The following IL18R1 variants were observed in gnomAD, a reference collection of about 807,000 sequenced individuals.
The protein encoded by IL18R1 is interleukin-18 receptor 1.
Under a neutral mutation model 48.5 loss-of-function variants are expected in IL18R1, and 40 were observed. The ratio of observed to expected loss-of-function variants is 0.82; its 90% confidence interval spans 0.64 to 1.07. The LOEUF (loss-of-function observed/expected upper bound fraction) is 1.07, where lower values mean the gene tolerates loss of function less well. Ranked by LOEUF, IL18R1 falls within the 50% of genes least tolerant of loss-of-function variation. IL18R1 has a pLI of 0.00. For synonymous variants in IL18R1, 232 were observed against 225.9 expected (o/e 1.03, Z -0.24); for missense variants, 596 against 633.7 (o/e 0.94, Z 0.64).
At chr2:102,389,759 C>G (rs1452544486) in intron 8 of IL18R1, among the ~76,000 whole-genome samples, 1 of 152,222 alleles carries the variant, frequency 6.6e-6, no homozygotes, top group Non-Finnish European at 1.5e-5. Flanking sequence ...CCTAGTATCT[C>G]TTCACCCCAG....
chr2:102,390,013 A>G (rs752457819), intron 8 of IL18R1, 43 bp from the exon 9 acceptor site: 1 of 1,602,116 alleles, frequency 6.2e-7, no homozygotes, highest in Non-Finnish European at 8.5e-7. Context: ...CACTGGTAAG[A>G]TTTCTTGATT....
Position 102,384,866 on chromosome 2 carries a change from A to T in IL18R1, c.689-12A>T, listed in dbSNP as rs925430867. 6.2e-7 allele frequency: 1 copy of T among 1,606,110 alleles called. No individual in the cohort carries two copies. On this transcript the variant is annotated splice_polypyrimidine_tract_variant and intron_variant, in intron 6 of 10. Coordinates refer to ENST00000233957, the MANE Select transcript of IL18R1 (RefSeq NM_003855.5). ...TTCAAAAATCAGAACTTTAGTTGCC[A>T]ACTTTTACCAGGAAAAAACGTAAGG...
chr2:102,381,552 A>G (rs1292420176), intron 5 of IL18R1, 68 bp from the exon 6 acceptor site: 38 of 1,109,020 alleles, frequency 3.4e-5, no homozygotes, highest in Non-Finnish European at 5.0e-5. Flanking sequence ...GCATATTATC[A>G]TAGATGCTTG....
chr2:102,381,622 C>A lies in IL18R1; in HGVS notation c.628C>A (p.Arg210Ser). 6.2e-7 allele frequency: 1 copy of A among 1,611,484 alleles called. No homozygotes were observed. Among genetic ancestry groups the A allele is most frequent in the Non-Finnish European group, 8.5e-7 (1 of 1,177,662 alleles). Residue 210 changes from arginine to serine, a missense_variant and splice_region_variant, in exon 6 of 11, where the codon CGC becomes AGC. Physicochemically the swap from Arg to Ser is moderately radical, Grantham distance 110. Coordinates refer to ENST00000233957, the MANE Select transcript of IL18R1 (RefSeq NM_003855.5). ...GTCTTTTCTTTTGTCACTTCTAGAT[C>A]GCAGTAATATAGTTCCGGTTCTTCT... is the stretch of plus-strand genomic sequence containing the variant. ...KTFNITIVEDRSNIVPVLLGP... is the reference protein window; with the variant it reads ...KTFNITIVEDSSNIVPVLLGP...
chr2:102,369,261 C>G lies in IL18R1; in HGVS notation c.302+1193C>G, dbSNP rs11465594. 5.1e-3 allele frequency among the ~76,000 whole-genome samples: 779 copies of G among 152,318 alleles called. 2 individuals carry two copies. Among genetic ancestry groups the G allele is most frequent in the Non-Finnish European group, 8.7e-3 (592 of 68,038 alleles). ...AAAGGAATAAAGTATTCTGGACAGG[C>G]CTGAGAGAGCACGTTGAGAGGAACA... On this transcript the variant is annotated intron_variant, in intron 3 of 10. Coordinates refer to ENST00000233957, the MANE Select transcript of IL18R1 (RefSeq NM_003855.5).
At position 102,384,974 on chromosome 2, in the gene IL18R1, A is replaced by G; in HGVS notation, c.785A>G (p.His262Arg). 6.3e-7 allele frequency: 1 copy of G among 1,592,618 alleles called. No individual in the cohort carries two copies. Among genetic ancestry groups the G allele is most frequent in the Middle Eastern group, 1.7e-4 (1 of 6,024 alleles). ...GAAAATGGATCGGATCCTAATATAC[A>G]TGAAGAGAAAGAAATGAGAATTATG... ...GEENGSDPNI[H>R]EEKEMRIMTP... The change falls in exon 7 of 11, where the codon CAT becomes CGT. Residue 262 changes from histidine (H) to arginine (R), a missense_variant. His to Arg is a conservative substitution (Grantham distance 29). Around this residue, in one of 3 missense-constraint regions of IL18R1, gnomAD observed 360 missense variants for 339.4 expected, o/e 1.06. Transcript: ENST00000233957.
At chr2:102,375,750 A>G (rs751257217) in intron 4 of IL18R1, among the ~76,000 whole-genome samples, 157 bp from the exon 5 acceptor site, 1 of 152,220 alleles carries the variant, frequency 6.6e-6, no homozygotes, top group Non-Finnish European at 1.5e-5. Context: ...TTGTTTCAGT[A>G]AAAGTAGTAC....
At chr2:102,391,250 T>TG (rs967280178) in intron 9 of IL18R1, among the ~76,000 whole-genome samples, 20 of 152,278 alleles carry the variant, frequency 1.3e-4, no homozygotes, top group East Asian at 1.2e-3. Context: ...TCCAGCCTGG[T>TG]CCTGGATCTA....
chr2:102,374,122 T>A (rs1447768637), intron 4 of IL18R1: 1 of 219,986 alleles, frequency 4.5e-6, no homozygotes. Flanking sequence ...CCCACCCTGG[T>A]CCATGGAAAA....
At chr2:102,387,678 C>T (rs1158538470) in intron 8 of IL18R1, among the ~76,000 whole-genome samples, 1 of 152,278 alleles carries the variant, frequency 6.6e-6, no homozygotes, top group South Asian at 2.1e-4. Flanking sequence ...CATTCCCAGG[C>T]TCCACCATCA....
chr2:102,390,259 T>C (rs1348113794), intron 9 of IL18R1, 42 bp downstream of exon 9: 1 of 1,553,982 alleles, frequency 6.4e-7, no homozygotes, highest in Non-Finnish European at 8.9e-7. Context: ...TATGTTCTCA[T>C]TAAGAAATCA....
chr2:102,362,789 T>TA (rs1055234803), intron 2 of IL18R1, 71 bp downstream of exon 2: 3 of 919,344 alleles, frequency 3.3e-6, no homozygotes, highest in African/African-American at 3.4e-5. Context: ...TTTTTTTTTT[T>TA]ATGTGGTGGC....
At chr2:102,376,464 C>T (rs1679591790) in intron 5 of IL18R1, among the ~76,000 whole-genome samples, 1 of 152,206 alleles carries the variant, frequency 6.6e-6, no homozygotes, top group South Asian at 2.1e-4. Context: ...CTGTACTATT[C>T]TCAAGGGATT....
intron 2 of IL18R1, 44 bp from the exon 3 acceptor site, chr2:102,367,781 T>C (rs1212171088): frequency 6.4e-7 from 1 of 1,555,150 alleles, no homozygotes; most frequent in Non-Finnish European, 8.7e-7. Flanking sequence ...CCTTGTCATT[T>C]TGGTTTTTGT....
Position 102,390,194 on chromosome 2 carries a change from C to A in IL18R1, c.1088C>A (p.Thr363Lys). The change falls in exon 9 of 11, where the codon ACG becomes AAG. Residue 363 changes from threonine to lysine, a missense_variant. This residue lies in a region of IL18R1 where 179 missense variants were observed against 206.1 expected (regional missense o/e 0.87). Transcript: ENST00000233957. ...TTGGTTCTATTTTATAGACATTTAA[C>A]GAGAAGAGATGAAACATTAACAGGT... ...VDLVLFYRHL[T>K]RRDETLTDGK... 6.2e-7 allele frequency: 1 copy of A among 1,613,700 alleles called. No homozygotes were observed. The highest frequency in any genetic ancestry group is 1.1e-5 in the South Asian group (1 of 91,058).
chr2:102,368,137 G>T, intron 3 of IL18R1, 69 bp downstream of exon 3: 1 of 1,548,920 alleles, frequency 6.5e-7, no homozygotes, highest in South Asian at 1.2e-5. Flanking sequence ...ACTCAAATAT[G>T]CAGTAATCTG....
chr2:102,397,036 C>G lies in IL18R1; in HGVS notation c.*150C>G, dbSNP rs2105140556. The G allele has an allele frequency of 1.7e-6, 1 of 598,044 alleles. No homozygotes were observed. Among genetic ancestry groups the G allele is most frequent in the East Asian group, 2.8e-5 (1 of 35,376 alleles). The allele number at this position is 598,044 out of a possible 1,614,324, so 37.0% of individuals were successfully genotyped here. On this transcript the variant is annotated 3_prime_UTR_variant, in exon 11 of 11. Transcript: ENST00000233957. ...AAGATGAAACTTGTCATTAGGTTGG[C>G]GGGAATGAGACTAAAGATTGCGCTG...
chr2:102,385,313 A>T (rs913612315), intron 7 of IL18R1, among the ~76,000 whole-genome samples: 1 of 152,202 alleles, frequency 6.6e-6, no homozygotes, highest in Non-Finnish European at 1.5e-5. Context: ...AGCTTCTTAG[A>T]AAAGGGCAGT....
At chr2:102,383,493 C>T (rs10195976) in intron 6 of IL18R1, among the ~76,000 whole-genome samples, 5,690 of 152,176 alleles carry the variant, frequency 0.037, 322 homozygotes, top group African/African-American at 0.13. Flanking sequence ...GATTTATGCT[C>T]GTTGAATTAA....
Sources: allele counts gnomAD v4.1 joint callset (sites outside exome capture counted in the v4.1 genomes callset), GRCh38; gene constraint gnomAD v4.1.1; regional missense constraint gnomAD v4.1.1; transcripts MANE v1.5; gene names NCBI Gene and HGNC (gene_info 2026-07-23, HGNC 2026-07-21).